AMY2B: variants seen among roughly 807,000 people sequenced by gnomAD.
The protein encoded by AMY2B is amylase alpha 2B, also known as alpha-amylase 2B.
AMY2B carries 63 observed loss-of-function variants against 59.3 expected under a neutral mutation model. The observed-to-expected ratio is 1.06, with a 90% CI of 0.87 to 1.31. The LOEUF is 1.31. Ranked by LOEUF, AMY2B falls within the 50% of genes most tolerant of loss-of-function variation. The probability of loss-of-function intolerance (pLI) is 0.00; values close to 1 mark genes in which losing one functional copy is unlikely to be tolerated. For missense variants in AMY2B, 635 were observed against 626.7 expected (o/e 1.01, Z -0.14); for synonymous variants, 180 against 198.1 (o/e 0.91, Z 0.77).
At chr1:103,557,827 A>G (rs1313741948) in intron 1 of AMY2B, among the ~76,000 whole-genome samples, 1 of 152,160 alleles carries the variant, frequency 6.6e-6, no homozygotes, top group East Asian at 1.9e-4. Context: ...ATTATATGTT[A>G]TTTATGGGAA....
chr1:103,579,269 T>C, intron 9 of AMY2B, 42 bp from the exon 10 acceptor site: 1 of 1,611,542 alleles, frequency 6.2e-7, no homozygotes, highest in Non-Finnish European at 8.5e-7. Context: ...GTATTCTTGA[T>C]TTTCAGTGTA....
rs1021159857 is a variant in AMY2B at position 103,573,560 on chromosome 1, A to G, written c.514-148A>G. 76 of 1,280,544 alleles carry G rather than the reference A, an allele frequency of 5.9e-5. No individual in the cohort carries two copies. Among genetic ancestry groups the G allele is most frequent in the Non-Finnish European group, 8.1e-5 (74 of 913,602 alleles). 79.3% of individuals were successfully genotyped at this position (1,280,544 alleles called of 1,614,324 possible). A position where few individuals can be genotyped will look rare whatever the true frequency, so the allele number is the denominator to read the frequency against. On this transcript the variant is annotated intron_variant, in intron 3 of 9. Transcript: ENST00000684275. ...GAAAATATTTCCAAGATACATCTAT[A>G]GTAGAATGTGAGCATCCCCAGCGCC...
At chr1:103,574,013 C>A in intron 4 of AMY2B, 75 bp downstream of exon 4, 2 of 1,608,940 alleles carry the variant, frequency 1.2e-6, no homozygotes, top group Non-Finnish European at 1.7e-6. Flanking sequence ...ATTAAAAATG[C>A]AATTTCTATA....
At chr1:103,559,607 A>G (rs1297450032) in intron 1 of AMY2B, among the ~76,000 whole-genome samples, 1 of 152,210 alleles carries the variant, frequency 6.6e-6, no homozygotes, top group Non-Finnish European at 1.5e-5. Context: ...GACAAACGAT[A>G]ATAACATAAG....
intron 1 of AMY2B, among the ~76,000 whole-genome samples, chr1:103,558,647 C>T (rs1651635009): frequency 6.6e-6 from 1 of 151,618 alleles, no homozygotes; most frequent in Non-Finnish European, 1.5e-5. Flanking sequence ...CTTGTAATCC[C>T]AACAACTTGG....
At chr1:103,561,122 T>C (rs1651720171) in intron 1 of AMY2B, among the ~76,000 whole-genome samples, 2 of 152,228 alleles carry the variant, frequency 1.3e-5, no homozygotes, top group Admixed American at 1.3e-4. Context: ...ATTTTATTTT[T>C]ATATTTATCA....
At chr1:103,576,479 T>C (rs1452172624) in intron 7 of AMY2B, among the ~76,000 whole-genome samples, 3 of 152,300 alleles carry the variant, frequency 2.0e-5, no homozygotes, top group South Asian at 4.1e-4. Flanking sequence ...TTTTCCACTT[T>C]CCAGGACTGC....
rs1177999112 is a variant in AMY2B at position 103,573,106 on chromosome 1, A to T, written c.359A>T (p.Asn120Ile). ...GCTGTAATTAATCATATGTCTGGTA[A>T]TGCTGTGAGTGCAGGAACAAGCAGT... Reference protein sequence around the residue: ...VDAVINHMSGNAVSAGTSSTC... With the variant: ...VDAVINHMSGIAVSAGTSSTC... The change falls in exon 3 of 10, where the codon AAT becomes ATT. Residue 120 changes from asparagine to isoleucine, a missense_variant. Transcript: ENST00000684275. 1.2e-6 allele frequency: 2 copies of T among 1,613,744 alleles called. No individual in the cohort carries two copies. The highest frequency in any genetic ancestry group is 1.7e-6 in the Non-Finnish European group (2 of 1,179,712).
chr1:103,563,321 T>C (rs901326742), intron 1 of AMY2B, among the ~76,000 whole-genome samples: 2 of 152,124 alleles, frequency 1.3e-5, no homozygotes, highest in African/African-American at 4.8e-5. Flanking sequence ...TTCTAGGAAG[T>C]ACAAAATATG....
At chr1:103,574,190 T>C (rs1652252668) in intron 4 of AMY2B, 70 bp from the exon 5 acceptor site, 3 of 1,603,964 alleles carry the variant, frequency 1.9e-6, no homozygotes, top group Non-Finnish European at 2.6e-6. Context: ...TTTTATATAA[T>C]ATTAACTTAT....
rs1056262149 is a variant in AMY2B, at chr1:103,557,130, A to C, written c.-207+2021A>C. 4.0e-5 allele frequency among the ~76,000 whole-genome samples: 6 copies of C among 151,788 alleles called. 1 individual carries two copies. In the East Asian group the frequency reaches 1.2e-3, roughly 29 times the overall value. ...GCGTCCATTTAAAAGCTAATAGGAA[A>C]TCTTAAAGCGTGCGCGCGCGCACAC... On this transcript the variant is annotated intron_variant, in intron 1 of 11. Transcript: ENST00000361355.
At chr1:103,574,102 CAAACA>C (rs751819641) in intron 4 of AMY2B, among the ~76,000 whole-genome samples, 153 bp from the exon 5 acceptor site, 15 of 152,146 alleles carry the variant, frequency 9.9e-5, no homozygotes, top group East Asian at 9.7e-4. Context: ...TTCTTTATCA[CAAACA>C]AAACAAAACA....
intron 1 of AMY2B, among the ~76,000 whole-genome samples, chr1:103,555,897 C>T (rs563488232): frequency 2.6e-5 from 4 of 151,920 alleles, no homozygotes; most frequent in Non-Finnish European, 5.9e-5. Flanking sequence ...AACATAATGC[C>T]GGAAAGAGAG....
chr1:103,573,867 A>G lies in AMY2B; in HGVS notation c.673A>G (p.Ile225Val), dbSNP rs370623547. ...KHMWPGDIKA[I>V]LDKLHNLNSN... ...CATGTGGCCTGGAGACATAAAGGCAATTTTGGACAAACTGCATAATCTAAA... is the reference window on the plus strand; with the variant it reads ...CATGTGGCCTGGAGACATAAAGGCAGTTTTGGACAAACTGCATAATCTAAA... Residue 225 changes from isoleucine to valine, a missense_variant, in exon 4 of 10, where the codon ATT (isoleucine) becomes GTT (valine). Coordinates refer to ENST00000684275, the MANE Select transcript of AMY2B (RefSeq NM_001387437.1). 13 of 1,613,756 alleles carry G rather than the reference A, an allele frequency of 8.1e-6. No homozygotes were observed. The highest frequency in any genetic ancestry group is 4.0e-5 in the African/African-American group (3 of 74,926).
At position 103,575,347 on chromosome 1, in the gene AMY2B, T is replaced by C. The variant is rs1343482203; in HGVS notation, c.1001+2T>C. 6.2e-7 allele frequency: 1 copy of C among 1,613,276 alleles called. No individual in the cohort carries two copies. The highest frequency in any genetic ancestry group is 8.5e-7 in the Non-Finnish European group (1 of 1,179,640). ...TATTCTTACCTTCTGGGATGCTAGG[T>C]AGAAAACCAAGTTCTCTATTTTTTT... On this transcript the variant is annotated splice_donor_variant, in intron 6 of 9. Coordinates refer to ENST00000684275, the MANE Select transcript of AMY2B (RefSeq NM_001387437.1). LOFTEE classifies it high-confidence loss of function.
chr1:103,573,780 G>A lies in AMY2B; in HGVS notation c.586G>A (p.Glu196Lys), dbSNP rs200162760. Residue 196 changes from glutamate to lysine, a missense_variant, in exon 4 of 10, where the codon GAA becomes AAA. Coordinates refer to ENST00000684275, the MANE Select transcript of AMY2B (RefSeq NM_001387437.1). Reference protein sequence around the residue: ...EKDYVRSKIAEYMNHLIDIGV... With the variant: ...EKDYVRSKIAKYMNHLIDIGV... ...AGATTATGTGCGTTCCAAGATTGCC[G>A]AATATATGAATCATCTCATTGACAT... 243 of 1,613,760 alleles carry A rather than the reference G, an allele frequency of 1.5e-4. No individual in the cohort carries two copies. The highest frequency in any genetic ancestry group is 9.9e-4 in the Middle Eastern group (6 of 6,056).
chr1:103,575,409 A>T, intron 6 of AMY2B, 32 bp from the exon 7 acceptor site: 1 of 1,613,120 alleles, frequency 6.2e-7, no homozygotes, highest in Non-Finnish European at 8.5e-7. Context: ...ATATTCTGAT[A>T]TTCTGTGATA....
chr1:103,559,206 C>T (rs922144329), intron 1 of AMY2B, among the ~76,000 whole-genome samples: 5 of 152,046 alleles, frequency 3.3e-5, no homozygotes, highest in Non-Finnish European at 5.9e-5. Context: ...GATGGTGGTC[C>T]AGTTAAGTTT....
intron 1 of AMY2B, among the ~76,000 whole-genome samples, chr1:103,557,420 G>A (rs771241437): frequency 1.3e-5 from 2 of 152,084 alleles, no homozygotes; most frequent in African/African-American, 2.4e-5. Context: ...GGAGGCCAAC[G>A]CAGGTGGATC....
Sources: allele counts gnomAD v4.1 joint callset (sites outside exome capture counted in the v4.1 genomes callset), GRCh38; gene constraint gnomAD v4.1.1; transcripts MANE v1.5; gene names NCBI Gene and HGNC (gene_info 2026-07-23, HGNC 2026-07-21).